COL4A6: variants seen among roughly 807,000 people sequenced by gnomAD.
The protein encoded by COL4A6 is collagen alpha-6(IV) chain.
In COL4A6, 59 loss-of-function variants were observed where a neutral mutation model predicts 126.7. The observed-to-expected ratio is 0.47, with a 90% CI of 0.38 to 0.58. The LOEUF (loss-of-function observed/expected upper bound fraction) is 0.58, where lower values mean the gene tolerates loss of function less well. COL4A6 is among the 20% of genes least tolerant of loss of function. The pLI, the probability that COL4A6 is intolerant of heterozygous loss-of-function variation, is 0.00. For synonymous variants in COL4A6, 547 were observed against 496.6 expected (o/e 1.10, Z -1.35); for missense variants, 1,285 against 1,337.3 (o/e 0.96, Z 0.61).
At chrX:108,264,866 G>A (rs1234659812) in intron 3 of COL4A6, among the ~76,000 whole-genome samples, 1 of 111,459 alleles carries the variant, frequency 9.0e-6, no homozygotes, top group East Asian at 2.8e-4. Flanking sequence ...AAAACTCTGT[G>A]AGGAACAAGC....
intron 3 of COL4A6, among the ~76,000 whole-genome samples, chrX:108,245,507 C>G (rs73636389): frequency 9.0e-6 from 1 of 111,693 alleles, no homozygotes; most frequent in Non-Finnish European, 1.9e-5. Context: ...AGCAAAAGCT[C>G]GAGATTGCTA....
intron 7 of COL4A6, among the ~76,000 whole-genome samples, 167 bp downstream of exon 7, chrX:108,211,505 C>T: frequency 8.8e-6 from 1 of 113,154 alleles, no homozygotes; most frequent in East Asian, 2.8e-4. Context: ...ACATTTATGT[C>T]AATGTTTCCA....
chrX:108,437,747 C>T (rs1049674026), intron 2 of COL4A6, among the ~76,000 whole-genome samples, 195 bp downstream of exon 2: 1 of 111,567 alleles, frequency 9.0e-6, no homozygotes, highest in African/African-American at 3.3e-5. Context: ...TGGAAGATAT[C>T]TTGGTCCCAA....
intron 2 of COL4A6, among the ~76,000 whole-genome samples, chrX:108,334,261 A>C (rs1245314737): frequency 9.0e-6 from 1 of 111,530 alleles, no homozygotes; most frequent in Non-Finnish European, 1.9e-5. Flanking sequence ...CCAAGTCGAC[A>C]CATAAAATTA....
chrX:108,376,145 TTAAAA>T (rs1283192757), intron 2 of COL4A6, among the ~76,000 whole-genome samples: 8 of 111,767 alleles, frequency 7.2e-5, no homozygotes, highest in Non-Finnish European at 1.5e-4. Context: ...TAAATTTTCA[TTAAAA>T]TAAGTGTTAA....
intron 5 of COL4A6, among the ~76,000 whole-genome samples, chrX:108,215,245 A>G (rs2035827701): frequency 8.9e-6 from 1 of 112,334 alleles, no homozygotes; most frequent in South Asian, 3.7e-4. Context: ...TTTCGTTGTT[A>G]TTATAGTTGT....
At chrX:108,265,993 A>G (rs184179480) in intron 3 of COL4A6, among the ~76,000 whole-genome samples, 2 of 112,101 alleles carry the variant, frequency 1.8e-5, no homozygotes, top group East Asian at 5.7e-4. Context: ...TATATGTACT[A>G]TAGAGGCAAA....
At chrX:108,213,584 T>C (rs1007454433) in intron 6 of COL4A6, among the ~76,000 whole-genome samples, 2 of 112,108 alleles carry the variant, frequency 1.8e-5, no homozygotes, top group Non-Finnish European at 3.8e-5. Context: ...TTTCTAGATG[T>C]TGGGGAGGGG....
chrX:108,404,351 T>A (rs2041160275), intron 2 of COL4A6, among the ~76,000 whole-genome samples: 1 of 112,114 alleles, frequency 8.9e-6, no homozygotes, highest in Admixed American at 9.5e-5. Flanking sequence ...ACTGATAAAT[T>A]CTAAACATGA....
At chrX:108,335,243 T>C (rs768882908) in intron 2 of COL4A6, among the ~76,000 whole-genome samples, 43 of 112,241 alleles carry the variant, frequency 3.8e-4, no homozygotes, top group African/African-American at 1.3e-3. Context: ...AGACTGAAGA[T>C]TGTGTGCTTG....
chrX:108,320,353 C>T (rs975051889), intron 2 of COL4A6, among the ~76,000 whole-genome samples: 1 of 111,221 alleles, frequency 9.0e-6, no homozygotes, highest in African/African-American at 3.3e-5. Flanking sequence ...CACGTGGATA[C>T]ATATGAAGAT....
chrX:108,197,803 G>GTA (rs2035267530), intron 13 of COL4A6, among the ~76,000 whole-genome samples: 1 of 108,809 alleles, frequency 9.2e-6, no homozygotes, highest in Non-Finnish European at 1.9e-5. Context: ...GTGTGTGTGT[G>GTA]TGTGTGTAGG....
At chrX:108,372,251 C>A (rs963249259) in intron 2 of COL4A6, among the ~76,000 whole-genome samples, 1 of 111,153 alleles carries the variant, frequency 9.0e-6, no homozygotes, top group Non-Finnish European at 1.9e-5. Context: ...GCACAAGCCC[C>A]CTTTTGTGTG....
intron 24 of COL4A6, 133 bp from the exon 25 acceptor site, chrX:108,180,755 G>T: frequency 1.3e-6 from 1 of 795,817 alleles, no homozygotes; most frequent in Non-Finnish European, 1.9e-6. Context: ...GCCCTCTCCA[G>T]CAGCCATCCT....
At chrX:108,192,451 G>GA in intron 18 of COL4A6, 22 bp downstream of exon 18, 1 of 1,107,859 alleles carries the variant, frequency 9.0e-7, no homozygotes, top group Non-Finnish European at 1.2e-6. Context: ...ATCTGTGTAG[G>GA]AAATGGGTTA....
chrX:108,165,180 G>T, intron 38 of COL4A6, 142 bp from the exon 39 acceptor site: 1 of 820,384 alleles, frequency 1.2e-6, no homozygotes, highest in Non-Finnish European at 1.8e-6. Flanking sequence ...CTAGTGCCCA[G>T]ACTTTCCCAA....
intron 2 of COL4A6, among the ~76,000 whole-genome samples, chrX:108,376,626 A>G (rs770243618): frequency 1.8e-5 from 2 of 112,130 alleles, no homozygotes; most frequent in South Asian, 7.4e-4. Flanking sequence ...ATAAAATAAA[A>G]TAAAATAAAA....
intron 3 of COL4A6, among the ~76,000 whole-genome samples, chrX:108,248,129 G>A (rs2036760757): frequency 9.0e-6 from 1 of 111,454 alleles, no homozygotes; most frequent in African/African-American, 3.3e-5. Flanking sequence ...TCTGGGGTAT[G>A]AGAAGAAACT....
chrX:108,375,987 C>T (rs12856941), intron 2 of COL4A6, among the ~76,000 whole-genome samples: 3 of 111,730 alleles, frequency 2.7e-5, no homozygotes, highest in African/African-American at 9.8e-5. Context: ...TTATCTGCAA[C>T]TAATAATTAA....
Sources: gnomAD v4.1 joint callset for allele counts (sites outside exome capture counted in the v4.1 genomes callset) on GRCh38, gnomAD v4.1.1 for gene constraint, MANE v1.5 for transcripts, NCBI Gene and HGNC (gene_info 2026-07-23, HGNC 2026-07-21) for gene names.